SHISA5: variants seen among roughly 807,000 people sequenced by gnomAD.
The protein encoded by SHISA5 is shisa family member 5.
A neutral mutation model predicts 27.5 loss-of-function variants in SHISA5; 21 were observed. The ratio of observed to expected loss-of-function variants is 0.76; its 90% CI spans 0.54 to 1.10. The LOEUF is 1.10. SHISA5 is among the 50% of genes least tolerant of loss of function. The probability of loss-of-function intolerance (pLI) is 0.00; values close to 1 mark genes in which losing one functional copy is unlikely to be tolerated. For missense variants in SHISA5, 314 were observed against 336.3 expected (o/e 0.93, Z 0.52); for synonymous variants, 137 against 142.2 (o/e 0.96, Z 0.26).
Position 48,501,278 on chromosome 3 carries a change from C to T in SHISA5, c.92G>A (p.Cys31Tyr), listed in dbSNP as rs2041746643. The T allele has an allele frequency of 3.1e-6, 5 of 1,613,802 alleles. No homozygotes were observed. The South Asian group carries it at 4.4e-5, about 14-fold the overall frequency. The change falls in exon 2 of 6, where the codon TGT (cysteine) becomes TAT (tyrosine). Residue 31 changes from cysteine to tyrosine, a missense_variant. Coordinates refer to ENST00000296444, the MANE Select transcript of SHISA5 (RefSeq NM_016479.6). ...TPPPGARGEVCMASRGLSLFP... is the reference protein window; with the variant it reads ...TPPPGARGEVYMASRGLSLFP... ...GAGGCTGAGTCCACGGGAAGCCATA[C>T]ACACCTCACCACGTGCTGGAGAGGA...
In SHISA5 at chr3:48,473,743, T is replaced by G. The variant is rs1209692643; in HGVS notation, c.315-3900A>C. 6.6e-5 allele frequency among the ~76,000 whole-genome samples: 10 copies of G among 152,270 alleles called. No homozygotes were observed. In the South Asian group the frequency reaches 2.1e-3, roughly 31 times the overall value. On this transcript the variant is annotated intron_variant, in intron 3 of 5. Transcript: ENST00000296444. The surrounding 1 kb of genome is among the most constrained non-coding windows in gnomAD (Gnocchi z 4.3). ...AACTGAGTGTGTCTGTGCTTTCCTG[T>G]GTATGTATTATAGTTGACAATAAAA...
chr3:48,479,444 C>T (rs112744623), intron 2 of SHISA5, 187 bp from the exon 3 acceptor site: 1 of 603,462 alleles, frequency 1.7e-6, no homozygotes, highest in East Asian at 2.8e-5. Flanking sequence ...TCTCAGGTGT[C>T]CACCAGACTG....
chr3:48,481,625 C>A (rs1334568213), intron 2 of SHISA5, among the ~76,000 whole-genome samples: 2 of 150,730 alleles, frequency 1.3e-5, no homozygotes, highest in African/African-American at 4.9e-5. Context: ...CCCATCTCTA[C>A]TAAAACTACA....
In SHISA5 at chr3:48,495,500, A is replaced by AGCG. The variant is rs1396655019; in HGVS notation, c.233+5636_233+5637insCGC. On this transcript the variant is annotated intron_variant, in intron 2 of 5. Transcript: ENST00000296444. ...TGTTCTGGTGTGAGAGAATAGAAGA[A>AGCG]GCACTCTGAGTTTTTTTTTCCACTT... is the stretch of plus-strand genomic sequence containing the variant. 5.7e-4 allele frequency among the ~76,000 whole-genome samples: 83 copies of AGCG among 146,332 alleles called. 1 individual carries two copies. The highest frequency in any genetic ancestry group is 9.3e-4 in the Non-Finnish European group (63 of 67,710).
chr3:48,477,783 C>G (rs1365520476), intron 3 of SHISA5, among the ~76,000 whole-genome samples: 1 of 152,196 alleles, frequency 6.6e-6, no homozygotes, highest in Admixed American at 6.5e-5. Context: ...CCTTCCCACT[C>G]CCTCCACACC....
At chr3:48,485,450 G>A (rs2041172473) in intron 2 of SHISA5, among the ~76,000 whole-genome samples, 1 of 149,562 alleles carries the variant, frequency 6.7e-6, no homozygotes, top group South Asian at 2.1e-4. Context: ...AGCCAAGATC[G>A]TGCCATTGCA....
intron 3 of SHISA5, chr3:48,472,988 G>C: frequency 1.3e-6 from 2 of 1,533,590 alleles, no homozygotes; most frequent in Middle Eastern, 3.3e-4. Context: ...AAACACACAC[G>C]CAGCATGGCG....
At chr3:48,495,362 G>A (rs1467061680) in intron 2 of SHISA5, among the ~76,000 whole-genome samples, 14 of 130,332 alleles carry the variant, frequency 1.1e-4, no homozygotes, top group South Asian at 4.7e-4. Context: ...AGGGAGTCTC[G>A]CTCTGTCACC....
chr3:48,476,953 C>T, intron 3 of SHISA5: 1 of 401,060 alleles, frequency 2.5e-6, no homozygotes, highest in Non-Finnish European at 4.9e-6. Flanking sequence ...CCCACATGCA[C>T]ACCTTGGGGA....
At position 48,472,977 on chromosome 3, in the gene SHISA5, C is replaced by A. The variant is rs2040692687; in HGVS notation, c.315-3134G>T. The A allele has an allele frequency of 3.9e-6, 6 of 1,530,994 alleles. No homozygotes were observed. The East Asian group carries it at 1.5e-4, about 37-fold the overall frequency. The allele number at this position is 1,530,994 out of a possible 1,614,324, so 94.8% of individuals were successfully genotyped here. ...CAGAGATCTCTCAGTGTTTGTCTCT[C>A]AAACACACACGCAGCATGGCGCCCA... On this transcript the variant is annotated intron_variant, in intron 3 of 5. Coordinates refer to ENST00000296444, the MANE Select transcript of SHISA5 (RefSeq NM_016479.6).
intron 2 of SHISA5, among the ~76,000 whole-genome samples, chr3:48,486,116 T>C (rs1318344080): frequency 6.7e-6 from 1 of 148,704 alleles, no homozygotes; most frequent in Non-Finnish European, 1.5e-5. Flanking sequence ...CAAATTTCTA[T>C]AATCAATTTT....
At position 48,473,697 on chromosome 3, in the gene SHISA5, T is replaced by C. The variant is rs189354147; in HGVS notation, c.315-3854A>G. The C allele has an allele frequency of 1.6e-5, 12 of 739,928 alleles. No individual in the cohort carries two copies. Among genetic ancestry groups the C allele is most frequent in the Non-Finnish European group, 2.0e-5 (12 of 606,228 alleles). The allele number at this position is 739,928 out of a possible 1,614,324, so 45.8% of individuals were successfully genotyped here. A position where few individuals can be genotyped will look rare whatever the true frequency, so the allele number is the denominator to read the frequency against. On this transcript the variant is annotated intron_variant, in intron 3 of 5. Coordinates refer to ENST00000296444, the MANE Select transcript of SHISA5 (RefSeq NM_016479.6). The surrounding 1 kb of genome is among the most constrained non-coding windows in gnomAD (Gnocchi z 4.3). ...GTAGCTCTTGCGATTACAAAGGAATTTGCTTTATAATTACATGTTAAACTG... is the reference window on the plus strand; with the variant it reads ...GTAGCTCTTGCGATTACAAAGGAATCTGCTTTATAATTACATGTTAAACTG...
At chr3:48,477,934 A>G (rs888809440) in intron 3 of SHISA5, among the ~76,000 whole-genome samples, 2 of 151,638 alleles carry the variant, frequency 1.3e-5, no homozygotes, top group Non-Finnish European at 2.9e-5. Flanking sequence ...ACGACTTCCC[A>G]CCTCCCACAC....
In SHISA5 at chr3:48,473,074, C is replaced by T. The variant is rs2040698310; in HGVS notation, c.315-3231G>A. 1 of 1,511,988 alleles carries T rather than the reference C, an allele frequency of 6.6e-7. No homozygotes were observed. The highest frequency in any genetic ancestry group is 1.2e-5 in the South Asian group (1 of 81,210). 93.7% of individuals were successfully genotyped at this position (1,511,988 alleles called of 1,614,324 possible). On this transcript the variant is annotated intron_variant, in intron 3 of 5. Coordinates refer to ENST00000296444, the MANE Select transcript of SHISA5 (RefSeq NM_016479.6). This position sits in a 1 kb window ranked among gnomAD's most constrained non-coding sequence, Gnocchi z 4.3. ...CCCCTGGGCTTTCCCCTCTTCCCATCGTGGGCCACTCAGTTTCAATTTCCT... is the reference window on the plus strand; with the variant it reads ...CCCCTGGGCTTTCCCCTCTTCCCATTGTGGGCCACTCAGTTTCAATTTCCT...
At position 48,487,550 on chromosome 3, in the gene SHISA5, G is replaced by C. The variant is rs187094670; in HGVS notation, c.234-8293C>G. ...TTTGAAATTATATTTTTAATTAGAA[G>C]TTTAATAGATTTTTTTACTATACTG... On this transcript the variant is annotated intron_variant, in intron 2 of 5. Transcript: ENST00000296444. Among the ~76,000 whole-genome samples, 430 of 152,172 alleles carry C rather than the reference G, an allele frequency of 2.8e-3. 2 individuals are homozygous for C. The highest frequency in any genetic ancestry group is 0.01 in the African/African-American group (416 of 41,510).
intron 2 of SHISA5, among the ~76,000 whole-genome samples, chr3:48,486,956 C>T (rs1391603392): frequency 6.6e-6 from 1 of 151,244 alleles, no homozygotes; most frequent in Admixed American, 6.6e-5. Context: ...AAAGAAAAAC[C>T]CACAGGTGGC....
intron 3 of SHISA5, among the ~76,000 whole-genome samples, chr3:48,475,840 G>A (rs2040808359): frequency 6.6e-6 from 1 of 152,230 alleles, no homozygotes; most frequent in Non-Finnish European, 1.5e-5. Flanking sequence ...AATAAGGCAA[G>A]AATGGCTGGA....
intron 3 of SHISA5, among the ~76,000 whole-genome samples, chr3:48,477,629 A>G (rs1312468456): frequency 6.6e-6 from 1 of 152,188 alleles, no homozygotes; most frequent in Non-Finnish European, 1.5e-5. Flanking sequence ...GTTGCCTGCG[A>G]CCAGCATACA....
chr3:48,480,531 A>C (rs561066377), intron 2 of SHISA5, among the ~76,000 whole-genome samples: 3 of 152,108 alleles, frequency 2.0e-5, no homozygotes, highest in East Asian at 3.9e-4. Flanking sequence ...GGGGCCGAGG[A>C]GGGTGGATCT....
Sources: gnomAD v4.1 joint callset for allele counts (sites outside exome capture counted in the v4.1 genomes callset) on GRCh38, gnomAD v4.1.1 for gene constraint, Gnocchi (gnomAD v3.1) non-coding constraint, MANE v1.5 for transcripts, NCBI Gene and HGNC (gene_info 2026-07-23, HGNC 2026-07-21) for gene names.